AQP2: variants seen among roughly 807,000 people sequenced by gnomAD.
The protein encoded by AQP2 is aquaporin 2, also known as aquaporin-2.
Under a neutral mutation model 21.6 loss-of-function variants are expected in AQP2, and 20 were observed. The observed-to-expected ratio is 0.92, with a 90% CI of 0.65 to 1.34. The LOEUF is 1.34. Ranked by LOEUF, AQP2 falls within the 40% of genes most tolerant of loss-of-function variation. The pLI is 0.00. For synonymous variants in AQP2, 168 were observed against 166.9 expected, an observed-to-expected ratio of 1.01 and a Z score of -0.05; for missense variants, 325 against 363.4, an observed-to-expected ratio of 0.89 and a Z score of 0.86.
At position 49,958,296 on chromosome 12, in the gene AQP2, A is replaced by C. The variant is rs975480604; in HGVS notation, c.*2688A>C. The C allele has an allele frequency of 6.6e-6, 1 of 152,256 alleles. No individual in the cohort carries two copies. 9.4% of individuals were successfully genotyped at this position (152,256 alleles called of 1,614,324 possible). ...AAACCAAGGCTAAGGGACTGGTCTAAAGTCTCACAGGTAGTATATGGTGGA... is the reference window on the plus strand; with the variant it reads ...AAACCAAGGCTAAGGGACTGGTCTACAGTCTCACAGGTAGTATATGGTGGA... On this transcript the variant is annotated 3_prime_UTR_variant, in exon 4 of 4. Coordinates refer to ENST00000199280, the MANE Select transcript of AQP2 (RefSeq NM_000486.6).
rs1947353770 is a variant in AQP2 at position 49,954,675 on chromosome 12, C to T, written c.571C>T (p.Pro191Ser). Residue 191 changes from proline to serine, a missense_variant, in exon 3 of 4, where the codon CCA becomes TCA. By Grantham distance (74) the Pro-to-Ser change is moderately conservative (BLOSUM62 -1). Transcript: ENST00000199280. Reference protein sequence around the residue: ...CSMNPARSLAPAVVTGKFDDH... With the variant: ...CSMNPARSLASAVVTGKFDDH... The stretch of plus-strand genomic sequence containing the variant: ...TATGAATCCTGCCCGCTCCCTGGCT[C>T]CAGCTGTCGTCACTGGCAAATTTGA... 1.2e-6 allele frequency: 2 copies of T among 1,614,226 alleles called. No individual in the cohort carries two copies. The highest frequency in any genetic ancestry group is 8.5e-7 in the Non-Finnish European group (1 of 1,180,044).
chr12:49,951,911 A>T (rs926813759), intron 1 of AQP2: 2 of 152,308 alleles, frequency 1.3e-5, no homozygotes, highest in African/African-American at 4.8e-5. Context: ...CAACAGATCA[A>T]CACTCACTCT....
rs1166372385 is a variant in AQP2 at position 49,954,594 on chromosome 12, C to A, written c.526-36C>A. On this transcript the variant is annotated intron_variant, in intron 2 of 3. Transcript: ENST00000199280. ...CAAGGACTTCCTGCCCTGTCCTCACCTCCCTTCTCTCTTTGATGCCCTCCT... is the reference window on the plus strand; with the variant it reads ...CAAGGACTTCCTGCCCTGTCCTCACATCCCTTCTCTCTTTGATGCCCTCCT... The A allele has an allele frequency of 1.9e-6, 3 of 1,609,756 alleles. No homozygotes were observed. The South Asian group carries it at 3.3e-5, about 18-fold the overall frequency.
At chr12:49,951,576 GA>G (rs1280154752) in intron 1 of AQP2, 1 of 210,976 alleles carries the variant, frequency 4.7e-6, no homozygotes. Context: ...GGGTTCTCAA[GA>G]GAGAAGAGGG....
In AQP2 at chr12:49,954,410, T is replaced by TA. The variant is rs1249786595; in HGVS notation, c.525+92dup. 1.2e-5 allele frequency: 17 copies of TA among 1,421,758 alleles called. No homozygotes were observed. The African/African-American group carries it at 2.3e-4, about 19-fold the overall frequency. The allele number at this position is 1,421,758 out of a possible 1,614,324, so 88.1% of individuals were successfully genotyped here. A position where few individuals can be genotyped will look rare whatever the true frequency, so the allele number is the denominator to read the frequency against. On this transcript the variant is annotated intron_variant, in intron 2 of 3. Transcript: ENST00000199280. ...ACACAGAGACCCCAAGAGGGACACA[T>TA]ACACAGAACTCTCAAGAGGAACAGA... is the stretch of plus-strand genomic sequence containing the variant.
chr12:49,954,484 C>T (rs1263845294), intron 2 of AQP2, 146 bp from the exon 3 acceptor site: 1 of 1,230,354 alleles, frequency 8.1e-7, no homozygotes, highest in Non-Finnish European at 1.2e-6. Flanking sequence ...AGATATCACT[C>T]CAGCCCATCT....
intron 1 of AQP2, among the ~76,000 whole-genome samples, chr12:49,953,182 A>G (rs544828313): frequency 6.6e-5 from 10 of 152,304 alleles, no homozygotes; most frequent in Admixed American, 5.9e-4. Context: ...TCTGCATTGG[A>G]CAACAATAGG....
rs970041953 is a variant in AQP2, at chr12:49,950,779, C to T, written c.-52C>T. 35 of 1,584,842 alleles carry T rather than the reference C, an allele frequency of 2.2e-5. 1 individual carries two copies. Among genetic ancestry groups the T allele is most frequent in the South Asian group, 5.5e-5 (5 of 90,112 alleles). On this transcript the variant is annotated 5_prime_UTR_variant, in exon 1 of 4. Coordinates refer to ENST00000199280, the MANE Select transcript of AQP2 (RefSeq NM_000486.6). ...GCGATAGAGTGCGAGAGCGAGTGCCCGGAGCATCCTGGCCCTGAGACAGCT... is the reference window on the plus strand; with the variant it reads ...GCGATAGAGTGCGAGAGCGAGTGCCTGGAGCATCCTGGCCCTGAGACAGCT...
chr12:49,951,274 G>A, intron 1 of AQP2, 84 bp downstream of exon 1: 1 of 1,473,252 alleles, frequency 6.8e-7, no homozygotes, highest in Non-Finnish European at 9.0e-7. Context: ...GATGGGCTCT[G>A]GGTGATGTAG....
intron 1 of AQP2, among the ~76,000 whole-genome samples, chr12:49,952,854 C>T (rs1947339573): frequency 6.6e-6 from 1 of 152,220 alleles, no homozygotes; most frequent in Non-Finnish European, 1.5e-5. Context: ...CACTGAGAGC[C>T]AGCCTGGCCA....
At position 49,955,655 on chromosome 12, in the gene AQP2, G is replaced by C. The variant is rs748848488; in HGVS notation, c.*47G>C. On this transcript the variant is annotated 3_prime_UTR_variant, in exon 4 of 4. Coordinates refer to ENST00000199280, the MANE Select transcript of AQP2 (RefSeq NM_000486.6). The stretch of plus-strand genomic sequence containing the variant: ...GCCCCGACGGACGCTTGTGAGGCCC[G>C]AGGCAGAAGGGCCCACCCCGTCCCT... 36 of 1,527,196 alleles carry C rather than the reference G, an allele frequency of 2.4e-5. No homozygotes were observed. The East Asian group carries it at 8.8e-4, about 37-fold the overall frequency. The allele number at this position is 1,527,196 out of a possible 1,614,324, so 94.6% of individuals were successfully genotyped here.
chr12:49,954,448 T>C (rs1354830261), intron 2 of AQP2, 129 bp downstream of exon 2: 4 of 1,254,556 alleles, frequency 3.2e-6, no homozygotes, highest in East Asian at 2.5e-5. Context: ...CCCCAGAGGT[T>C]TGACTCCTAG....
Position 49,951,059 on chromosome 12 carries a change from G to A in AQP2, c.229G>A (p.Val77Met). The A allele has an allele frequency of 1.2e-6, 2 of 1,613,048 alleles. No homozygotes were observed. Among genetic ancestry groups the A allele is most frequent in the Non-Finnish European group, 1.7e-6 (2 of 1,179,366 alleles). Reference protein sequence around the residue: ...INPAVTVACLVGCHVSVLRAA... With the variant: ...INPAVTVACLMGCHVSVLRAA... ...CCCTGCCGTGACTGTGGCCTGCCTGGTGGGCTGCCACGTCTCCGTTCTCCG... is the reference window on the plus strand; with the variant it reads ...CCCTGCCGTGACTGTGGCCTGCCTGATGGGCTGCCACGTCTCCGTTCTCCG... Residue 77 changes from valine (V) to methionine (M), a missense_variant, in exon 1 of 4, where the codon GTG becomes ATG. By Grantham distance (21) the Val-to-Met change is conservative. Coordinates refer to ENST00000199280, the MANE Select transcript of AQP2 (RefSeq NM_000486.6).
chr12:49,953,390 G>A (rs1181357482), intron 1 of AQP2, among the ~76,000 whole-genome samples: 3 of 152,200 alleles, frequency 2.0e-5, no homozygotes, highest in Non-Finnish European at 4.4e-5. Flanking sequence ...AGTGCTGGGT[G>A]CGGCCCAGTT....
At chr12:49,955,378 G>A (rs763898054) in intron 3 of AQP2, 21 bp from the exon 4 acceptor site, 17 of 1,608,182 alleles carry the variant, frequency 1.1e-5, no homozygotes, top group Non-Finnish European at 1.4e-5. Flanking sequence ...GTGCCAAGCC[G>A]CCCTCTCCGC....
At position 49,951,202 on chromosome 12, in the gene AQP2, C is replaced by T; in HGVS notation, c.360+12C>T. 1 of 1,600,526 alleles carries T rather than the reference C, an allele frequency of 6.2e-7. No individual in the cohort carries two copies. Among genetic ancestry groups the T allele is most frequent in the Non-Finnish European group, 8.5e-7 (1 of 1,173,442 alleles). ...TGGCTGTCAATGCTGTGAGTAGCCA[C>T]AACTTTGCCATCCACAAGGGGCAGG... On this transcript the variant is annotated intron_variant, in intron 1 of 3. Transcript: ENST00000199280.
At chr12:49,955,126 A>C (rs1168442826) in intron 3 of AQP2, among the ~76,000 whole-genome samples, 1 of 152,228 alleles carries the variant, frequency 6.6e-6, no homozygotes, top group Non-Finnish European at 1.5e-5. Context: ...TGAAAGGCAC[A>C]GAGAGGGTAA....
rs1189683679 is a variant in AQP2 at position 49,957,022 on chromosome 12, TTAAG to T, written c.*1416_*1419del. On this transcript the variant is annotated 3_prime_UTR_variant, in exon 4 of 4. Coordinates refer to ENST00000199280, the MANE Select transcript of AQP2 (RefSeq NM_000486.6). The stretch of plus-strand genomic sequence containing the variant: ...TGCTCTCAAAAGAGATTAACTGGGA[TTAAG>T]TGAGATGACGCATGTAAAGATGCTG... 2 of 152,686 alleles carry T rather than the reference TTAAG, an allele frequency of 1.3e-5. No homozygotes were observed. The highest frequency in any genetic ancestry group is 2.4e-5 in the African/African-American group (1 of 41,470). The allele number at this position is 152,686 out of a possible 1,614,324, so 9.5% of individuals were successfully genotyped here. A position where few individuals can be genotyped will look rare whatever the true frequency, so the allele number is the denominator to read the frequency against.
intron 1 of AQP2, chr12:49,952,020 G>T (rs1186092614): frequency 6.6e-6 from 1 of 152,188 alleles, no homozygotes; most frequent in Non-Finnish European, 1.5e-5. Flanking sequence ...CAAGAGTCCT[G>T]ATGTCTTTGA....
Sources: allele counts gnomAD v4.1 joint callset (sites outside exome capture counted in the v4.1 genomes callset), GRCh38; gene constraint gnomAD v4.1.1; transcripts MANE v1.5; gene names NCBI Gene and HGNC (gene_info 2026-07-23, HGNC 2026-07-21).